Variants in DLG2 observed in about 807,000 individuals in gnomAD.
DLG2 encodes the protein disks large homolog 2.
In DLG2, 45 loss-of-function variants were observed where a neutral mutation model predicts 132.5. That is an observed-to-expected ratio of 0.34 (90% CI 0.27 to 0.44). The LOEUF (loss-of-function observed/expected upper bound fraction) is 0.44. Among genes scored for constraint, DLG2 ranks in the 20% least tolerant of loss-of-function variants. The pLI, the probability that DLG2 is intolerant of heterozygous loss-of-function variation, is 1.00. For missense variants in DLG2, 1,045 were observed against 1,196.9 expected (o/e 0.87, Z 1.87); for synonymous variants, 424 against 419.6 (o/e 1.01, Z -0.13).
chr11:84,692,944 G>A (rs149573106), intron 6 of DLG2, among the ~76,000 whole-genome samples: 128 of 151,862 alleles, frequency 8.4e-4, no homozygotes, highest in African/African-American at 2.8e-3. Context: ...GAGACTTAGC[G>A]AAGTTATATA....
intron 2 of DLG2, among the ~76,000 whole-genome samples, chr11:85,608,008 C>T (rs987652134): frequency 2.0e-5 from 3 of 152,126 alleles, no homozygotes; most frequent in Admixed American, 6.5e-5. Flanking sequence ...TCTAGGAGGA[C>T]AGGCAAGGGT....
intron 10 of DLG2, among the ~76,000 whole-genome samples, chr11:84,095,596 T>C (rs1323905775): frequency 6.6e-6 from 1 of 152,184 alleles, no homozygotes; most frequent in Non-Finnish European, 1.5e-5. Flanking sequence ...TACTGTCTCT[T>C]AGCACTACCT....
At chr11:83,769,875 T>C (rs1304827263) in intron 18 of DLG2, among the ~76,000 whole-genome samples, 2 of 152,112 alleles carry the variant, frequency 1.3e-5, no homozygotes, top group Non-Finnish European at 2.9e-5. Flanking sequence ...TACCTTGTTC[T>C]TTGAAAGTAA....
At chr11:84,314,310 T>C (rs1056482078) in intron 7 of DLG2, among the ~76,000 whole-genome samples, 1 of 152,214 alleles carries the variant, frequency 6.6e-6, no homozygotes, top group Middle Eastern at 3.2e-3. Context: ...GCTTTAGGTT[T>C]TACAATATTT....
intron 3 of DLG2, among the ~76,000 whole-genome samples, chr11:85,476,296 T>C (rs1407166025): frequency 6.6e-6 from 1 of 152,098 alleles, no homozygotes; most frequent in Non-Finnish European, 1.5e-5. Flanking sequence ...GAATGGGGCT[T>C]ACAAGTCAAG....
chr11:85,413,168 T>C (rs985896437), intron 3 of DLG2, among the ~76,000 whole-genome samples: 11 of 152,016 alleles, frequency 7.2e-5, no homozygotes, highest in African/African-American at 2.7e-4. Flanking sequence ...ATTAGTGATG[T>C]TGATCATTTT....
intron 9 of DLG2, among the ~76,000 whole-genome samples, chr11:84,129,920 C>A (rs908697131): frequency 8.6e-5 from 13 of 151,812 alleles, no homozygotes; most frequent in Admixed American, 3.9e-4. Flanking sequence ...TTTCATAAGA[C>A]AATTACCATA....
chr11:85,341,484 C>A (rs557384958), intron 3 of DLG2, among the ~76,000 whole-genome samples: 4 of 152,252 alleles, frequency 2.6e-5, no homozygotes, highest in South Asian at 4.2e-4. Flanking sequence ...TTGTTTCACC[C>A]GTTCTTGTGC....
intron 11 of DLG2, among the ~76,000 whole-genome samples, chr11:84,032,101 T>G (rs566770248): frequency 6.6e-6 from 1 of 152,222 alleles, no homozygotes; most frequent in South Asian, 2.1e-4. Context: ...CTTACCCTAT[T>G]CCCCAAGACC....
rs147140777 is a variant in DLG2 at position 83,755,475 on chromosome 11, C to T, written c.1825+31215G>A. ...ATATAATACACTGTAAGAATCTAGA[C>T]AGTATATTTAAGTTCATTAACAAAG... On this transcript the variant is annotated intron_variant, in intron 18 of 27. Transcript: ENST00000376104. Among the ~76,000 whole-genome samples the T allele has an allele frequency of 8.8e-4, 133 of 151,168 alleles. No individual in the cohort carries two copies. The East Asian group carries it at 0.023, about 26-fold the overall frequency.
At chr11:84,402,595 C>A (rs1229821486) in intron 7 of DLG2, among the ~76,000 whole-genome samples, 1 of 151,794 alleles carries the variant, frequency 6.6e-6, no homozygotes, top group Non-Finnish European at 1.5e-5. Context: ...AAAAAATTAA[C>A]TCGGCCAGGT....
At chr11:83,488,429 G>A (rs1015743255) in intron 21 of DLG2, among the ~76,000 whole-genome samples, 1 of 151,852 alleles carries the variant, frequency 6.6e-6, no homozygotes, top group Non-Finnish European at 1.5e-5. Context: ...TTGGTGAACT[G>A]GCTTAAGATA....
In DLG2 at chr11:83,581,948, C is replaced by CTTTTTTTTTTT. The variant is rs71849863; in HGVS notation, c.1941-40101_1941-40091dup. Among the ~76,000 whole-genome samples, 38 of 52,638 alleles carry CTTTTTTTTTTT rather than the reference C, an allele frequency of 7.2e-4. 5 individuals are homozygous for CTTTTTTTTTTT. Among genetic ancestry groups the CTTTTTTTTTTT allele is most frequent in the East Asian group, 2.2e-3 (3 of 1,346 alleles). The allele number at this position is 52,638 out of a possible 152,430, so 34.5% of individuals were successfully genotyped here. ...GAATTTAGAATTCTGAGTTTGGACT[C>CTTTTTTTTTTT]TTTTTTTTTTTTTTTTTTTTTTTTT... On this transcript the variant is annotated intron_variant, in intron 19 of 27. Transcript: ENST00000376104.
At chr11:84,981,608 C>G (rs185703570) in intron 6 of DLG2, among the ~76,000 whole-genome samples, 1 of 152,098 alleles carries the variant, frequency 6.6e-6, no homozygotes, top group East Asian at 1.9e-4. Flanking sequence ...TTCCTAAAGT[C>G]GAGAAATACT....
intron 17 of DLG2, among the ~76,000 whole-genome samples, chr11:83,787,800 A>G (rs1212879738): frequency 1.3e-5 from 2 of 152,214 alleles, no homozygotes; most frequent in Admixed American, 6.5e-5. Context: ...TGCCAGGGTG[A>G]AAGGCATTCT....
chr11:85,205,495 A>C (rs2081820379), intron 4 of DLG2, among the ~76,000 whole-genome samples: 1 of 152,162 alleles, frequency 6.6e-6, no homozygotes, highest in Non-Finnish European at 1.5e-5. Context: ...ACTATGGTTA[A>C]CACTCATTCA....
At chr11:83,823,792 T>G (rs2051591906) in intron 17 of DLG2, among the ~76,000 whole-genome samples, 1 of 152,210 alleles carries the variant, frequency 6.6e-6, no homozygotes, top group Admixed American at 6.5e-5. Context: ...ACGTTGCTTC[T>G]AAGTGCCTCA....
intron 3 of DLG2, among the ~76,000 whole-genome samples, chr11:85,307,143 G>A (rs1476501764): frequency 6.6e-6 from 1 of 152,184 alleles, no homozygotes; most frequent in Non-Finnish European, 1.5e-5. Flanking sequence ...CTTGTCTTTA[G>A]GGCACAAGGC....
At chr11:84,770,341 T>A (rs565785445) in intron 6 of DLG2, among the ~76,000 whole-genome samples, 1 of 152,160 alleles carries the variant, frequency 6.6e-6, no homozygotes, top group Admixed American at 6.5e-5. Flanking sequence ...CAGGGGTACA[T>A]GTGCAGGTTT....
Sources: allele counts gnomAD v4.1 joint callset (sites outside exome capture counted in the v4.1 genomes callset), GRCh38; gene constraint gnomAD v4.1.1; transcripts MANE v1.5; gene names NCBI Gene and HGNC (gene_info 2026-07-23, HGNC 2026-07-21).